Variants in RPRD2 observed in about 807,000 individuals in gnomAD.
RPRD2 encodes the protein regulation of nuclear pre-mRNA domain-containing protein 2.
In RPRD2, 12 loss-of-function variants were observed where a neutral mutation model predicts 104.4. The ratio of observed to expected loss-of-function variants is 0.11; its 90% CI spans 0.07 to 0.19. The LOEUF is 0.19. RPRD2 is among the 10% of genes least tolerant of loss of function. The probability of loss-of-function intolerance (pLI) is 1.00; values close to 1 mark genes in which losing one functional copy is unlikely to be tolerated. For missense variants in RPRD2, 1,543 were observed against 1,790.1 expected (o/e 0.86, Z 2.49); for synonymous variants, 714 against 684.9 (o/e 1.04, Z -0.66).
chr1:150,464,636 G>A lies in RPRD2; in HGVS notation c.1521G>A (p.Leu507=). Residue 507 remains leucine (L), a synonymous_variant, in exon 10 of 11, where the codon CTG becomes CTA. Coordinates refer to ENST00000369068, the MANE Select transcript of RPRD2 (RefSeq NM_015203.5). ...APATTTSHNP[L]ANILSKVEIT... ...CCACGACAACATCTCACAACCCTCTGGCAAATATCCTCTCCAAGGTGGAGA... is the reference window on the plus strand; with the variant it reads ...CCACGACAACATCTCACAACCCTCTAGCAAATATCCTCTCCAAGGTGGAGA... The A allele has an allele frequency of 1.2e-6, 2 of 1,612,490 alleles. No homozygotes were observed. Among genetic ancestry groups the A allele is most frequent in the Middle Eastern group, 3.3e-4 (2 of 6,060 alleles).
At chr1:150,389,964 A>G (rs1462805370) in intron 1 of RPRD2, among the ~76,000 whole-genome samples, 2 of 152,192 alleles carry the variant, frequency 1.3e-5, no homozygotes, top group African/African-American at 2.4e-5. Flanking sequence ...CTTGAGAAAG[A>G]TGCTGAATTG....
At chr1:150,416,480 A>T (rs1664336444) in intron 1 of RPRD2, among the ~76,000 whole-genome samples, 1 of 152,162 alleles carries the variant, frequency 6.6e-6, no homozygotes, top group African/African-American at 2.4e-5. Flanking sequence ...TCATCCATAT[A>T]GACATTGAAA....
chr1:150,382,739 A>C (rs369374379), intron 1 of RPRD2, among the ~76,000 whole-genome samples: 110 of 152,306 alleles, frequency 7.2e-4, no homozygotes, highest in African/African-American at 2.5e-3. Context: ...GGGAGGCTGA[A>C]ATGGGAGGAT....
At chr1:150,466,500 G>T in intron 10 of RPRD2, among the ~76,000 whole-genome samples, 1 of 148,862 alleles carries the variant, frequency 6.7e-6, no homozygotes. Context: ...AGTACGCTGT[G>T]GTCACCCCAC....
At chr1:150,375,652 A>G (rs1468948030) in intron 1 of RPRD2, among the ~76,000 whole-genome samples, 14 of 152,188 alleles carry the variant, frequency 9.2e-5, no homozygotes, top group African/African-American at 1.9e-4. Flanking sequence ...AGTTGCATCA[A>G]AATTCTTTCT....
intron 4 of RPRD2, among the ~76,000 whole-genome samples, chr1:150,442,974 A>G (rs587742370): frequency 1.3e-5 from 2 of 152,302 alleles, no homozygotes; most frequent in South Asian, 4.2e-4. Context: ...CTCCAAATCA[A>G]TAATTCTAGG....
rs61016870 is a variant in RPRD2, at chr1:150,369,623, A to ATTTTTTTTTTTTTTTTTTTTTT, written c.205+4723_205+4724insTTTTTTTTTTTTTTTTTTTTTT. Reference sequence around the variant, plus strand: ...AGGCGCCCGTCACCGCGCCCAGCTAATTTTTTTTTTTTTTTTTTTGTATTT... The same window carrying ATTTTTTTTTTTTTTTTTTTTTT: ...AGGCGCCCGTCACCGCGCCCAGCTAATTTTTTTTTTTTTTTTTTTTTTTTTTTTTTTTTTTTTTTTTGTATTT... On this transcript the variant is annotated intron_variant, in intron 1 of 10. Transcript: ENST00000369068. 1.6e-4 allele frequency among the ~76,000 whole-genome samples: 11 copies of ATTTTTTTTTTTTTTTTTTTTTT among 68,900 alleles called. 1 individual carries two copies. Among genetic ancestry groups the ATTTTTTTTTTTTTTTTTTTTTT allele is most frequent in the Non-Finnish European group, 2.4e-4 (8 of 33,528 alleles). 45.2% of individuals were successfully genotyped at this position (68,900 alleles called of 152,430 possible).
rs1051848475 is a variant in RPRD2, at chr1:150,416,953, G to A, written c.206-643G>A. ...TACATAGGATCATATTATTTTGCAG[G>A]ACATTCGTCTAGTGATGAAAGCAGC... is the stretch of plus-strand genomic sequence containing the variant. On this transcript the variant is annotated intron_variant, in intron 1 of 10. Coordinates refer to ENST00000369068, the MANE Select transcript of RPRD2 (RefSeq NM_015203.5). Among the ~76,000 whole-genome samples, 20 of 151,988 alleles carry A rather than the reference G, an allele frequency of 1.3e-4. No homozygotes were observed. The East Asian group carries it at 3.9e-3, about 29-fold the overall frequency.
chr1:150,427,715 C>T, intron 2 of RPRD2, among the ~76,000 whole-genome samples: 1 of 152,086 alleles, frequency 6.6e-6, no homozygotes. Context: ...GGGAGGATCT[C>T]TTGAGCCCAG....
At chr1:150,407,769 T>A (rs1412406208) in intron 1 of RPRD2, among the ~76,000 whole-genome samples, 2 of 152,250 alleles carry the variant, frequency 1.3e-5, no homozygotes, top group Non-Finnish European at 2.9e-5. Flanking sequence ...AAGATGTTGT[T>A]TTCTTCTATT....
intron 1 of RPRD2, among the ~76,000 whole-genome samples, chr1:150,381,609 A>G (rs1661136717): frequency 2.0e-5 from 3 of 148,526 alleles, no homozygotes; most frequent in African/African-American, 7.5e-5. Context: ...GGTTCATGCC[A>G]TTCTCCTGCC....
intron 1 of RPRD2, among the ~76,000 whole-genome samples, chr1:150,406,069 A>G (rs1663448855): frequency 6.6e-6 from 1 of 152,218 alleles, no homozygotes; most frequent in Non-Finnish European, 1.5e-5. Context: ...TGTGATAAGA[A>G]TGAATCTCCT....
At chr1:150,408,219 C>T (rs1349898029) in intron 1 of RPRD2, among the ~76,000 whole-genome samples, 1 of 124,066 alleles carries the variant, frequency 8.1e-6, no homozygotes, top group Non-Finnish European at 1.6e-5. Context: ...GGCTGGAGTG[C>T]AATGGCGCAA....
intron 2 of RPRD2, among the ~76,000 whole-genome samples, chr1:150,434,268 AT>A (rs1347638597): frequency 6.6e-6 from 1 of 152,180 alleles, no homozygotes; most frequent in Non-Finnish European, 1.5e-5. Context: ...AGGCAAGAAA[AT>A]TGCTTGAGCC....
At chr1:150,403,922 C>T (rs1030565962) in intron 1 of RPRD2, among the ~76,000 whole-genome samples, 1 of 152,184 alleles carries the variant, frequency 6.6e-6, no homozygotes, top group Admixed American at 6.5e-5. Flanking sequence ...GCATGAGCCA[C>T]TGCTGCACCT....
chr1:150,406,358 G>C (rs1663474673), intron 1 of RPRD2, among the ~76,000 whole-genome samples: 1 of 152,110 alleles, frequency 6.6e-6, no homozygotes, highest in Non-Finnish European at 1.5e-5. Flanking sequence ...TATTTGTTTA[G>C]GGTTCTTGTT....
Position 150,452,158 on chromosome 1 carries a change from A to AG in RPRD2, c.871-5130_871-5129insG, listed in dbSNP as rs1261823046. Among the ~76,000 whole-genome samples the AG allele has an allele frequency of 2.3e-3, 229 of 97,946 alleles. 5 individuals are homozygous for AG. Among genetic ancestry groups the AG allele is most frequent in the South Asian group, 1.9e-3 (8 of 4,294 alleles). The allele number at this position is 97,946 out of a possible 152,430, so 64.3% of individuals were successfully genotyped here. ...CTCTGTCTCAAAAAAAAAAAAAAAA[A>AG]AGAGAGAGAGAGAAACTGAGAAACT... On this transcript the variant is annotated intron_variant, in intron 7 of 10. Coordinates refer to ENST00000369068, the MANE Select transcript of RPRD2 (RefSeq NM_015203.5).
chr1:150,372,506 G>GACACACACACAC (rs143656895), intron 1 of RPRD2, among the ~76,000 whole-genome samples: 58,825 of 150,078 alleles, frequency 0.39, 11,768 homozygotes, highest in Non-Finnish European at 0.44. Context: ...CACACACACA[G>GACACACACACAC]ACACACACAC....
intron 2 of RPRD2, among the ~76,000 whole-genome samples, chr1:150,422,879 G>T (rs1285907497): frequency 3.3e-5 from 5 of 152,126 alleles, no homozygotes; most frequent in Admixed American, 2.6e-4. Context: ...TAAAAGAGGT[G>T]CCCAAATAAG....
Sources: gnomAD v4.1 joint callset for allele counts (sites outside exome capture counted in the v4.1 genomes callset) on GRCh38, gnomAD v4.1.1 for gene constraint, MANE v1.5 for transcripts, NCBI Gene and HGNC (gene_info 2026-07-23, HGNC 2026-07-21) for gene names.